Variants in CDK5RAP2 observed in about 807,000 individuals in gnomAD.
CDK5RAP2 encodes the protein CDK5 regulatory subunit-associated protein 2.
In CDK5RAP2, 147 loss-of-function variants were observed where a neutral mutation model predicts 232.9. The ratio of observed to expected loss-of-function variants is 0.63; its 90% CI spans 0.55 to 0.72. The LOEUF (loss-of-function observed/expected upper bound fraction) is 0.72. Ranked by LOEUF, CDK5RAP2 falls within the 30% of genes least tolerant of loss-of-function variation. The pLI is 0.00. For missense variants in CDK5RAP2, 2,195 were observed against 2,231.5 expected (o/e 0.98, Z 0.33); for synonymous variants, 833 against 833.7 (o/e 1.00, Z 0.01).
At chr9:120,522,632 G>GT (rs974873758) in intron 11 of CDK5RAP2, among the ~76,000 whole-genome samples, 23 of 152,044 alleles carry the variant, frequency 1.5e-4, no homozygotes. Context: ...CAATTTGAAA[G>GT]TTTTTTTTAA....
At position 120,389,766 on chromosome 9, in the gene CDK5RAP2, AG is replaced by A; in HGVS notation, c.5599del (p.Leu1867PhefsTer56). 9.3e-6 allele frequency: 15 copies of A among 1,614,124 alleles called. No homozygotes were observed. The highest frequency in any genetic ancestry group is 1.3e-5 in the Non-Finnish European group (15 of 1,180,004). ...FDQLVVTHKI[L>X]RKARGNLELR... ...CTCCAGGTTTCCTCTGGCCTTCCGA[AG>A]GATTTTGTGGGTTACGACCACTGAG... On this transcript the variant is annotated frameshift_variant, in exon 37 of 38. Transcript: ENST00000349780. LOFTEE classifies it high-confidence loss of function.
intron 25 of CDK5RAP2, among the ~76,000 whole-genome samples, chr9:120,430,815 A>C (rs2035241173): frequency 6.6e-6 from 1 of 152,196 alleles, no homozygotes; most frequent in Non-Finnish European, 1.5e-5. Context: ...ATGCACACAT[A>C]TGTTTACTGC....
chr9:120,477,783 C>A lies in CDK5RAP2; in HGVS notation c.1627-333G>T, dbSNP rs542746525. ...GCTGTTCATCGTTTTTAAAACACTACAAAAAAAATATCTTTCCATATTCAC... is the reference window on the plus strand; with the variant it reads ...GCTGTTCATCGTTTTTAAAACACTAAAAAAAAAATATCTTTCCATATTCAC... On this transcript the variant is annotated intron_variant, in intron 14 of 37. Coordinates refer to ENST00000349780, the MANE Select transcript of CDK5RAP2 (RefSeq NM_018249.6). 1.4e-3 allele frequency among the ~76,000 whole-genome samples: 214 copies of A among 151,946 alleles called. 2 individuals are homozygous for A. Among genetic ancestry groups the A allele is most frequent in the African/African-American group, 5.0e-3 (206 of 41,444 alleles).
chr9:120,471,094 C>T lies in CDK5RAP2; in HGVS notation c.1858+654G>A, dbSNP rs563318673. 1.1e-4 allele frequency among the ~76,000 whole-genome samples: 16 copies of T among 152,318 alleles called. No homozygotes were observed. In the South Asian group the frequency reaches 3.3e-3, roughly 32 times the overall value. On this transcript the variant is annotated intron_variant, in intron 16 of 37. Coordinates refer to ENST00000349780, the MANE Select transcript of CDK5RAP2 (RefSeq NM_018249.6). ...GGTGCCTAGCACTGTGCCTTGTACA[C>T]AGCAGATGCTCAAGAGATGTCAAAC...
intron 35 of CDK5RAP2, among the ~76,000 whole-genome samples, chr9:120,396,910 T>A (rs758670356): frequency 6.6e-6 from 1 of 152,238 alleles, no homozygotes; most frequent in African/African-American, 2.4e-5. Flanking sequence ...TCCCCAGCTA[T>A]ATGACGCTGA....
chr9:120,455,788 A>G (rs2036739151), intron 20 of CDK5RAP2, among the ~76,000 whole-genome samples: 1 of 152,134 alleles, frequency 6.6e-6, no homozygotes, highest in African/African-American at 2.4e-5. Flanking sequence ...TGCATAGAGA[A>G]TGGACGGAGA....
At chr9:120,406,963 G>T in intron 32 of CDK5RAP2, 49 bp downstream of exon 32, 2 of 1,350,974 alleles carry the variant, frequency 1.5e-6, no homozygotes, top group East Asian at 4.6e-5. Context: ...GTCACACACA[G>T]ATGCTCAGAG....
chr9:120,539,028 T>C lies in CDK5RAP2; in HGVS notation c.507+13A>G. Reference sequence around the variant, plus strand: ...TATAAGAAATACACTGCCCTCAGGATTTCCAGACTTGCCTTTTCCAAAAGG... The same window carrying C: ...TATAAGAAATACACTGCCCTCAGGACTTCCAGACTTGCCTTTTCCAAAAGG... On this transcript the variant is annotated intron_variant, in intron 6 of 37. Transcript: ENST00000349780. 1 of 1,613,828 alleles carries C rather than the reference T, an allele frequency of 6.2e-7. No homozygotes were observed. The highest frequency in any genetic ancestry group is 1.1e-5 in the South Asian group (1 of 91,078).
At chr9:120,473,616 G>A (rs569050761) in intron 15 of CDK5RAP2, among the ~76,000 whole-genome samples, 41 of 152,324 alleles carry the variant, frequency 2.7e-4, no homozygotes, top group African/African-American at 4.3e-4. Flanking sequence ...CAGTCTTCAC[G>A]CAAGGGAAAG....
intron 1 of CDK5RAP2, among the ~76,000 whole-genome samples, chr9:120,579,283 A>C (rs1373439737): frequency 3.3e-5 from 5 of 152,226 alleles, no homozygotes; most frequent in Non-Finnish European, 7.4e-5. Context: ...CTGCCAAGCA[A>C]ATGGCTCGAC....
Position 120,467,872 on chromosome 9 carries a change from T to G in CDK5RAP2, c.2094A>C (p.Thr698=). ...AAATGTTTCTTACCTCTGTTTGTTC[T>G]GTAGACGCAAGTCTATCTGGAAACC... ...GNGFPDRLAS[T]EQTELLASKE... is the part of the protein sequence containing the mutation. The change falls in exon 18 of 38, where the codon ACA becomes ACC. Residue 698 remains threonine (T), a synonymous_variant. Coordinates refer to ENST00000349780, the MANE Select transcript of CDK5RAP2 (RefSeq NM_018249.6). 1 of 1,614,216 alleles carries G rather than the reference T, an allele frequency of 6.2e-7. No individual in the cohort carries two copies. Among genetic ancestry groups the G allele is most frequent in the Non-Finnish European group, 8.5e-7 (1 of 1,180,020 alleles).
At position 120,567,907 on chromosome 9, in the gene CDK5RAP2, CA is replaced by C. The variant is rs1179939368; in HGVS notation, c.195+413del. ...CCTAACCTGCAAAATGGGAATGATA[CA>C]AAATATCTCAAAGGTTGCAGTGAGC... On this transcript the variant is annotated intron_variant, in intron 3 of 37. Transcript: ENST00000349780. Among the ~76,000 whole-genome samples the C allele has an allele frequency of 5.3e-5, 8 of 152,244 alleles. No individual in the cohort carries two copies. In the East Asian group the frequency reaches 1.5e-3, roughly 29 times the overall value.
chr9:120,391,106 GC>G (rs2031923497), intron 36 of CDK5RAP2, among the ~76,000 whole-genome samples: 1 of 152,022 alleles, frequency 6.6e-6, no homozygotes, highest in Non-Finnish European at 1.5e-5. Flanking sequence ...CTGGACGTCC[GC>G]ATTTTTCCAC....
chr9:120,578,651 CA>C (rs2043129802), intron 1 of CDK5RAP2, among the ~76,000 whole-genome samples: 1 of 151,260 alleles, frequency 6.6e-6, no homozygotes, highest in African/African-American at 2.4e-5. Context: ...ACTGCAGCAT[CA>C]ACCTTCCGGG....
chr9:120,433,446 A>G (rs1194398701), intron 25 of CDK5RAP2, among the ~76,000 whole-genome samples: 1 of 152,212 alleles, frequency 6.6e-6, no homozygotes, highest in East Asian at 1.9e-4. Flanking sequence ...GGCTCCACCA[A>G]TTAGGTATTA....
intron 7 of CDK5RAP2, chr9:120,532,392 G>C (rs1394304201): frequency 6.6e-6 from 1 of 152,206 alleles, no homozygotes; most frequent in Non-Finnish European, 1.5e-5. Flanking sequence ...CCTTTAAAAA[G>C]GGTGGTGGGA....
intron 36 of CDK5RAP2, chr9:120,390,187 G>A (rs538327532): frequency 2.3e-3 from 477 of 208,270 alleles, no homozygotes; most frequent in Non-Finnish European, 3.3e-3. Flanking sequence ...GCACTCTTTA[G>A]TTTCCTAGGC....
chr9:120,522,326 T>G (rs2040705104), intron 11 of CDK5RAP2, among the ~76,000 whole-genome samples: 1 of 152,226 alleles, frequency 6.6e-6, no homozygotes, highest in Non-Finnish European at 1.5e-5. Context: ...AAATCCACAA[T>G]TATCTCAAAA....
At chr9:120,507,290 T>C (rs1588512846) in intron 12 of CDK5RAP2, among the ~76,000 whole-genome samples, 2 of 152,358 alleles carry the variant, frequency 1.3e-5, no homozygotes, top group East Asian at 3.9e-4. Context: ...ACTCGCTTTA[T>C]TCCAATCCCT....
Sources: allele counts gnomAD v4.1 joint callset (sites outside exome capture counted in the v4.1 genomes callset), GRCh38; gene constraint gnomAD v4.1.1; transcripts MANE v1.5; gene names NCBI Gene and HGNC (gene_info 2026-07-23, HGNC 2026-07-21).